Variants in DHX29 observed in about 807,000 individuals in gnomAD.
The protein encoded by DHX29 is DExH-box helicase 29.
DHX29 carries 79 observed loss-of-function variants against 167.9 expected under a neutral mutation model. The ratio of observed to expected loss-of-function variants is 0.47; its 90% CI spans 0.39 to 0.57. DHX29 has a LOEUF of 0.57. Among genes scored for constraint, DHX29 ranks in the 20% least tolerant of loss-of-function variants. DHX29 has a pLI of 0.00. For synonymous variants in DHX29, 530 were observed against 546.0 expected (o/e 0.97, Z 0.41); for missense variants, 1,347 against 1,593.4 (o/e 0.85, Z 2.63).
intron 12 of DHX29, 68 bp from the exon 13 acceptor site, chr5:55,277,350 A>C (rs1747170167): frequency 4.9e-6 from 5 of 1,023,146 alleles, no homozygotes; most frequent in Middle Eastern, 2.5e-4. Flanking sequence ...GGCTTGAACA[A>C]TCAGACACCC....
In DHX29 at chr5:55,269,592, C is replaced by T. The variant is rs1477452457; in HGVS notation, c.3115G>A (p.Asp1039Asn). Reference protein sequence around the residue: ...SPEDFLSKALDPPQLQVISNA... With the variant: ...SPEDFLSKALNPPQLQVISNA... ...CTGATCACTTGGAGCTGAGGAGGAT[C>T]TAAGGCTTTGGAGAGGAAATCTTCA... The change falls in exon 21 of 27, where the codon GAT (aspartate) becomes AAT (asparagine). Residue 1039 changes from aspartate to asparagine, a missense_variant. Transcript: ENST00000251636. The T allele has an allele frequency of 1.8e-5, 29 of 1,613,928 alleles. No individual in the cohort carries two copies. Among genetic ancestry groups the T allele is most frequent in the Non-Finnish European group, 2.5e-5 (29 of 1,180,020 alleles).
At chr5:55,283,094 A>G (rs1747517352) in intron 11 of DHX29, 109 bp downstream of exon 11, 4 of 1,254,042 alleles carry the variant, frequency 3.2e-6, no homozygotes, top group Non-Finnish European at 4.3e-6. Flanking sequence ...CTACTGATCA[A>G]CCAATAGCAG....
At chr5:55,286,111 C>A (rs772809409) in intron 8 of DHX29, among the ~76,000 whole-genome samples, 2 of 151,754 alleles carry the variant, frequency 1.3e-5, no homozygotes, top group Non-Finnish European at 2.9e-5. Context: ...AAAAATTATT[C>A]GGCGTGGTGG....
chr5:55,274,562 A>C, intron 16 of DHX29, 52 bp downstream of exon 16: 4 of 1,352,618 alleles, frequency 3.0e-6, no homozygotes, highest in Non-Finnish European at 4.1e-6. Context: ...TAATGTACCA[A>C]ATATTTTCCT....
At chr5:55,290,839 A>AC (rs1748006370) in intron 6 of DHX29, among the ~76,000 whole-genome samples, 1 of 152,022 alleles carries the variant, frequency 6.6e-6, no homozygotes, top group Admixed American at 6.6e-5. Context: ...ACATGGTAAA[A>AC]CCCCGTCTCT....
At position 55,307,415 on chromosome 5, in the gene DHX29, G is replaced by A. The variant is rs141465710; in HGVS notation, c.159C>T (p.Ala53=). ...GCTTGACACGGGGCTCCCTGGAGCCGGCAGCGGCAGCGGCAGCGGTGGCCG... is the reference window on the plus strand; with the variant it reads ...GCTTGACACGGGGCTCCCTGGAGCCAGCAGCGGCAGCGGCAGCGGTGGCCG... ...SRPATAAAAA[A]GSREPRVKQG... Residue 53 remains alanine, a synonymous_variant, in exon 1 of 27, where the codon GCC becomes GCT. Transcript: ENST00000251636. 8.1e-6 allele frequency: 13 copies of A among 1,611,324 alleles called. No individual in the cohort carries two copies. The African/African-American group carries it at 1.6e-4, about 20-fold the overall frequency.
chr5:55,307,621 C>T lies in DHX29; in HGVS notation c.-48G>A. 1.2e-6 allele frequency: 2 copies of T among 1,604,374 alleles called. No homozygotes were observed. The highest frequency in any genetic ancestry group is 1.7e-6 in the Non-Finnish European group (2 of 1,176,232). ...CTTCGCGGCCCAGGCCCCGACGGTA[C>T]CACTGCACAGCCGAGAGCTCTTCAC... On this transcript the variant is annotated 5_prime_UTR_variant, in exon 1 of 27. Transcript: ENST00000251636.
At chr5:55,262,981 AT>A in intron 23 of DHX29, 49 bp from the exon 24 acceptor site, 1 of 1,376,904 alleles carries the variant, frequency 7.3e-7, no homozygotes, top group Non-Finnish European at 1.0e-6. Context: ...GATTAGAGGA[AT>A]TTCCAAATAA....
In DHX29 at chr5:55,267,153, T is replaced by C. The variant is rs766829603; in HGVS notation, c.3510A>G (p.Ser1170=). 1.2e-6 allele frequency: 2 copies of C among 1,609,816 alleles called. No individual in the cohort carries two copies. The highest frequency in any genetic ancestry group is 1.7e-5 in the Admixed American group (1 of 59,842). The part of the protein sequence containing the change: ...YCRRNFLNRT[S]LLTLEDVKQE... ...TAAGAATTACCTCTAGGGTTAACAG[T>C]GATGTTCTATTAAGAAAGTTCCTCC... Residue 1170 remains serine, a synonymous_variant, in exon 23 of 27, where the codon TCA becomes TCG. Coordinates refer to ENST00000251636, the MANE Select transcript of DHX29 (RefSeq NM_019030.4).
rs112364035 is a variant in DHX29, at chr5:55,301,768, G to A, written c.188-3104C>T. Among the ~76,000 whole-genome samples, 686 of 148,082 alleles carry A rather than the reference G, an allele frequency of 4.6e-3. 2 individuals carry two copies. The highest frequency in any genetic ancestry group is 0.016 in the African/African-American group (661 of 40,098). ...TGATTCCAGAATCATAAATCTAGTT[G>A]CATGGTTTTTATACACCTTAAAATA... is the stretch of plus-strand genomic sequence containing the variant. On this transcript the variant is annotated intron_variant, in intron 1 of 26. Coordinates refer to ENST00000251636, the MANE Select transcript of DHX29 (RefSeq NM_019030.4).
chr5:55,305,617 A>G (rs1377424396), intron 1 of DHX29, among the ~76,000 whole-genome samples: 2 of 152,228 alleles, frequency 1.3e-5, no homozygotes, highest in Non-Finnish European at 2.9e-5. Flanking sequence ...ACAGCTGTGG[A>G]GCCCTATTAA....
chr5:55,274,845 C>A (rs1241326994), intron 15 of DHX29, 21 bp downstream of exon 15: 1 of 1,604,750 alleles, frequency 6.2e-7, no homozygotes, highest in African/African-American at 1.3e-5. Context: ...AAATGGAGAC[C>A]CATTAGAAAT....
chr5:55,287,311 T>A (rs1747784881), intron 8 of DHX29, among the ~76,000 whole-genome samples: 1 of 151,882 alleles, frequency 6.6e-6, no homozygotes, highest in Non-Finnish European at 1.5e-5. Context: ...CATGCAGGCA[T>A]GCACCTGTAA....
At chr5:55,284,086 T>C (rs73120266) in intron 10 of DHX29, among the ~76,000 whole-genome samples, 20,952 of 152,214 alleles carry the variant, frequency 0.14, 1,756 homozygotes, top group East Asian at 0.26. Flanking sequence ...TTCAGGCTTC[T>C]TGACTGACTA....
intron 1 of DHX29, among the ~76,000 whole-genome samples, chr5:55,302,192 T>C (rs552440604): frequency 5.3e-5 from 8 of 152,296 alleles, no homozygotes; most frequent in African/African-American, 1.9e-4. Flanking sequence ...GGAGAGTATA[T>C]ATTTAGTAGT....
At position 55,307,553 on chromosome 5, in the gene DHX29, T is replaced by C. The variant is rs565744993; in HGVS notation, c.21A>G (p.Lys7=). The change falls in exon 1 of 27, where the codon AAA becomes AAG. Residue 7 remains lysine, a synonymous_variant. Transcript: ENST00000251636. MGGKNK[K]HKAPAAAVVR... ...CCACCGCGGCCGCTGGAGCCTTGTG[T>C]TTCTTGTTCTTGCCGCCCATGTTGC... 993 of 1,613,650 alleles carry C rather than the reference T, an allele frequency of 6.2e-4. 16 individuals are homozygous for C. The South Asian group carries it at 0.01, about 17-fold the overall frequency.
intron 21 of DHX29, among the ~76,000 whole-genome samples, chr5:55,268,742 T>G (rs1032106661): frequency 6.6e-6 from 1 of 151,928 alleles, no homozygotes; most frequent in Non-Finnish European, 1.5e-5. Flanking sequence ...CAGACAGATT[T>G]GAATTTGTTA....
chr5:55,275,085 G>A (rs1046130669), intron 14 of DHX29, 75 bp from the exon 15 acceptor site: 68 of 1,506,826 alleles, frequency 4.5e-5, no homozygotes, highest in Admixed American at 4.2e-4. Flanking sequence ...GAAAAAAGGC[G>A]GTATTTGCAT....
chr5:55,277,955 T>C lies in DHX29; in HGVS notation c.2110-673A>G, dbSNP rs189739810. Among the ~76,000 whole-genome samples the C allele has an allele frequency of 7.3e-5, 11 of 150,494 alleles. No homozygotes were observed. In the East Asian group the frequency reaches 2.2e-3, roughly 30 times the overall value. On this transcript the variant is annotated intron_variant, in intron 12 of 26. Coordinates refer to ENST00000251636, the MANE Select transcript of DHX29 (RefSeq NM_019030.4). ...TGTAAGGTATATCCCAAATTTCACTTAGAAGCAAGAGTGACTCCTAAATCT... is the reference window on the plus strand; with the variant it reads ...TGTAAGGTATATCCCAAATTTCACTCAGAAGCAAGAGTGACTCCTAAATCT...
Sources: gnomAD v4.1 joint callset for allele counts (sites outside exome capture counted in the v4.1 genomes callset) on GRCh38, gnomAD v4.1.1 for gene constraint, MANE v1.5 for transcripts, NCBI Gene and HGNC (gene_info 2026-07-23, HGNC 2026-07-21) for gene names.